PLOD1: variants seen among roughly 807,000 people sequenced by gnomAD.
PLOD1 encodes the protein lysine hydroxylase.
A neutral mutation model predicts 94.7 loss-of-function variants in PLOD1; 70 were observed. That is an observed-to-expected ratio of 0.74 (90% CI 0.61 to 0.90). PLOD1 has a LOEUF of 0.90. PLOD1 is among the 40% of genes least tolerant of loss of function. The pLI, the probability that PLOD1 is intolerant of heterozygous loss-of-function variation, is 0.00. For missense variants in PLOD1, 905 were observed against 972.7 expected (o/e 0.93, Z 0.93); for synonymous variants, 417 against 400.2 (o/e 1.04, Z -0.50).
chr1:11,957,011 C>T lies in PLOD1; in HGVS notation c.738C>T (p.Thr246=). The T allele has an allele frequency of 2.5e-6, 4 of 1,606,802 alleles. No homozygotes were observed. Among genetic ancestry groups the T allele is most frequent in the East Asian group, 2.2e-5 (1 of 44,816 alleles). The change falls in exon 7 of 19, where the codon ACC becomes ACT. Residue 246 remains threonine (T), a synonymous_variant. Coordinates refer to ENST00000196061, the MANE Select transcript of PLOD1 (RefSeq NM_000302.4). This position sits in a 1 kb window ranked among gnomAD's most constrained non-coding sequence, Gnocchi z 4.1. ...TCCTGATCCATGGCAACGGGCCAAC[C>T]AAGGTAGGGGGTCCCCAGCCCCTGG... ...LPVLIHGNGP[T]KLQLNYLGNY...
At chr1:11,954,499 A>G (rs1645724710) in intron 5 of PLOD1, 1 of 584,514 alleles carries the variant, frequency 1.7e-6, no homozygotes, top group Non-Finnish European at 3.4e-6. Context: ...AAAAAAGAAT[A>G]TTTGGAGTAG....
Position 11,974,943 on chromosome 1 carries a change from A to G in PLOD1, c.*135A>G, listed in dbSNP as rs548198470. ...ACTTCCCATTGCTCTTGGAGCCACC[A>G]ATCAAAGAGATTCAAAGAGATTCCT... On this transcript the variant is annotated 3_prime_UTR_variant, in exon 19 of 19. Coordinates refer to ENST00000196061, the MANE Select transcript of PLOD1 (RefSeq NM_000302.4). 1.0e-3 allele frequency: 863 copies of G among 855,346 alleles called. 14 individuals are homozygous for G. The Admixed American group carries it at 0.015, about 15-fold the overall frequency. 53.0% of individuals were successfully genotyped at this position (855,346 alleles called of 1,614,324 possible).
At chr1:11,935,365 A>C (rs961686581) in intron 1 of PLOD1, among the ~76,000 whole-genome samples, 14 of 151,988 alleles carry the variant, frequency 9.2e-5, no homozygotes, top group African/African-American at 3.4e-4. Context: ...AGGGGTCTTG[A>C]GGGGGACAGG....
intron 1 of PLOD1, 22 bp downstream of exon 1, chr1:11,934,877 G>A (rs1390084615): frequency 2.4e-5 from 37 of 1,532,496 alleles, no homozygotes; most frequent in Non-Finnish European, 2.8e-5. Flanking sequence ...AAGGCCGGGG[G>A]CGGGAGCGCG....
intron 16 of PLOD1, among the ~76,000 whole-genome samples, chr1:11,968,139 A>G (rs1645834815): frequency 6.6e-6 from 1 of 151,906 alleles, no homozygotes; most frequent in Non-Finnish European, 1.5e-5. Flanking sequence ...TTTTTAGTAG[A>G]CACTGGGTTT....
intron 14 of PLOD1, 52 bp downstream of exon 14, chr1:11,965,645 C>T (rs758555459): frequency 1.2e-5 from 13 of 1,105,806 alleles, no homozygotes; most frequent in Non-Finnish European, 1.8e-5. Context: ...CCCAGTGATC[C>T]TGCAGTCGGA....
chr1:11,935,631 T>C (rs1334672895), intron 1 of PLOD1, among the ~76,000 whole-genome samples: 1 of 150,902 alleles, frequency 6.6e-6, no homozygotes, highest in Non-Finnish European at 1.5e-5. Flanking sequence ...AGCAATTCTT[T>C]TTTTTTTTTT....
At chr1:11,949,749 G>A (rs1377434030) in intron 2 of PLOD1, 24 bp from the exon 3 acceptor site, 30 of 1,611,970 alleles carry the variant, frequency 1.9e-5, no homozygotes, top group Admixed American at 3.3e-5. Flanking sequence ...CCAAAAGCCC[G>A]TGTTAAGGGG....
intron 15 of PLOD1, among the ~76,000 whole-genome samples, chr1:11,966,765 T>C (rs1225464852): frequency 3.3e-5 from 5 of 152,072 alleles, no homozygotes; most frequent in Non-Finnish European, 7.4e-5. Context: ...CATGCCCATG[T>C]TTCTGTCTGA....
chr1:11,974,720 T>C lies in PLOD1; in HGVS notation c.2096T>C (p.Met699Thr), dbSNP rs1645891834. 3 of 1,613,826 alleles carry C rather than the reference T, an allele frequency of 1.9e-6. No homozygotes were observed. Among genetic ancestry groups the C allele is most frequent in the African/African-American group, 1.3e-5 (1 of 74,922 alleles). The part of the protein sequence containing the change: ...IRAPRKGWTL[M>T]HPGRLTHYHE... ...GCCCCAAGGAAGGGCTGGACCCTCA[T>C]GCACCCTGGACGACTCACGCATTAC... Residue 699 changes from methionine to threonine, a missense_variant, in exon 19 of 19, where the codon ATG becomes ACG. By Grantham distance (81) the Met-to-Thr change is moderately conservative (BLOSUM62 -1). Transcript: ENST00000196061.
intron 1 of PLOD1, among the ~76,000 whole-genome samples, chr1:11,941,121 C>T (rs1017868191): frequency 1.3e-5 from 2 of 152,238 alleles, no homozygotes; most frequent in African/African-American, 4.8e-5. Flanking sequence ...ATATCACCTT[C>T]CTCGTAGAGT....
Position 11,947,956 on chromosome 1 carries a change from A to G in PLOD1, c.77-20A>G, listed in dbSNP as rs1353336563. 1.3e-6 allele frequency: 2 copies of G among 1,530,644 alleles called. No individual in the cohort carries two copies. Among genetic ancestry groups the G allele is most frequent in the East Asian group, 2.2e-5 (1 of 44,550 alleles). The allele number at this position is 1,530,644 out of a possible 1,614,324, so 94.8% of individuals were successfully genotyped here. ...CCCTCATCCTCCATTCCCATTCACC[A>G]TACCCTCCTCTGTCTGCAGACAACC... On this transcript the variant is annotated intron_variant, in intron 1 of 18. Coordinates refer to ENST00000196061, the MANE Select transcript of PLOD1 (RefSeq NM_000302.4).
At chr1:11,973,736 A>G (rs1645882841) in intron 18 of PLOD1, among the ~76,000 whole-genome samples, 1 of 151,654 alleles carries the variant, frequency 6.6e-6, no homozygotes, top group African/African-American at 2.4e-5. Context: ...GTGTGCCACC[A>G]TGGCCAGCTA....
At chr1:11,966,130 G>A (rs971888649) in intron 14 of PLOD1, 121 bp from the exon 15 acceptor site, 1 of 762,118 alleles carries the variant, frequency 1.3e-6, no homozygotes, top group Non-Finnish European at 2.3e-6. Context: ...AGTGGGTGCA[G>A]GTGAACACCT....
At chr1:11,964,603 A>G in intron 12 of PLOD1, 41 bp from the exon 13 acceptor site, 1 of 1,503,804 alleles carries the variant, frequency 6.6e-7, no homozygotes, top group Non-Finnish European at 8.9e-7. Flanking sequence ...CTTCCCCACC[A>G]CCAGCCTCTG....
intron 1 of PLOD1, among the ~76,000 whole-genome samples, chr1:11,946,833 C>T (rs941414977): frequency 6.6e-6 from 1 of 152,182 alleles, no homozygotes; most frequent in Non-Finnish European, 1.5e-5. Context: ...TTATTTGGCT[C>T]ACAGTTCTGC....
At chr1:11,970,897 G>A in intron 17 of PLOD1, 81 bp downstream of exon 17, 1 of 1,385,622 alleles carries the variant, frequency 7.2e-7, no homozygotes, top group Non-Finnish European at 9.8e-7. Context: ...GGTGGGGGTA[G>A]GGTGGGAGGT....
chr1:11,967,042 T>C lies in PLOD1; in HGVS notation c.1706T>C (p.Leu569Pro). The change falls in exon 16 of 19, where the codon CTG (leucine) becomes CCG (proline). Residue 569 changes from leucine (L) to proline (P), a missense_variant. Coordinates refer to ENST00000196061, the MANE Select transcript of PLOD1 (RefSeq NM_000302.4). ...PIFTEVACDE[L>P]VEEMEHFGQW... ...TTCACGGAGGTGGCCTGTGATGAGC[T>C]GGTGGAGGAGATGGAGCACTTTGGC... The C allele has an allele frequency of 6.2e-7, 1 of 1,614,044 alleles. No homozygotes were observed. Among genetic ancestry groups the C allele is most frequent in the Non-Finnish European group, 8.5e-7 (1 of 1,179,900 alleles).
intron 16 of PLOD1, among the ~76,000 whole-genome samples, chr1:11,970,397 C>T (rs1420594637): frequency 2.6e-5 from 4 of 152,190 alleles, no homozygotes; most frequent in Non-Finnish European, 4.4e-5. Flanking sequence ...TGCGCCACTG[C>T]GCTCTTACCT....
Sources: allele counts gnomAD v4.1 joint callset (sites outside exome capture counted in the v4.1 genomes callset), GRCh38; gene constraint gnomAD v4.1.1; non-coding constraint Gnocchi (gnomAD v3.1); transcripts MANE v1.5; gene names NCBI Gene and HGNC (gene_info 2026-07-23, HGNC 2026-07-21).